LRRC31: variants seen among roughly 807,000 people sequenced by gnomAD.
LRRC31 encodes leucine rich repeat containing 31, also known as leucine-rich repeat-containing protein 31.
LRRC31 carries 35 observed loss-of-function variants against 46.7 expected under a neutral mutation model. That is an observed-to-expected ratio of 0.75 (90% confidence interval 0.57 to 0.99). The LOEUF (loss-of-function observed/expected upper bound fraction) is 0.99. Ranked by LOEUF, LRRC31 falls within the 50% of genes least tolerant of loss-of-function variation. LRRC31 has a pLI of 0.00. For missense variants in LRRC31, 613 were observed against 626.1 expected (o/e 0.98, Z 0.22); for synonymous variants, 236 against 235.1 (o/e 1.00, Z -0.03).
At chr3:169,846,061 G>A (rs569741920) in intron 8 of LRRC31, among the ~76,000 whole-genome samples, 6 of 152,278 alleles carry the variant, frequency 3.9e-5, no homozygotes, top group African/African-American at 9.6e-5. Flanking sequence ...ATTTAGAACA[G>A]ACATTTCACC....
At chr3:169,857,345 T>C (rs866577964) in intron 3 of LRRC31, among the ~76,000 whole-genome samples, 2,808 of 89,244 alleles carry the variant, frequency 0.031, 174 homozygotes, top group African/African-American at 0.1. Context: ...TATATATATA[T>C]ACACACACAC....
At chr3:169,841,688 C>T (rs1304364519) in intron 8 of LRRC31, among the ~76,000 whole-genome samples, 1 of 152,190 alleles carries the variant, frequency 6.6e-6, no homozygotes, top group Non-Finnish European at 1.5e-5. Flanking sequence ...TCAACTTCAA[C>T]ATTATCTTCA....
Position 169,839,794 on chromosome 3 carries a change from TTA to T in LRRC31, c.*186_*187del, listed in dbSNP as rs935355836. On this transcript the variant is annotated 3_prime_UTR_variant, in exon 9 of 9. Coordinates refer to ENST00000316428, the MANE Select transcript of LRRC31 (RefSeq NM_024727.4). ...TATATATGTGTATTATATATGTATA[TTA>T]TATATATGTGTATATATGTATATTA... is the stretch of plus-strand genomic sequence containing the variant. 4.1e-5 allele frequency: 8 copies of T among 194,648 alleles called. No individual in the cohort carries two copies. The highest frequency in any genetic ancestry group is 1.4e-4 in the African/African-American group (6 of 42,164). 12.1% of individuals were successfully genotyped at this position (194,648 alleles called of 1,614,324 possible). A position where few individuals can be genotyped will look rare whatever the true frequency, so the allele number is the denominator to read the frequency against.
chr3:169,861,374 TA>T (rs756902027), intron 2 of LRRC31, among the ~76,000 whole-genome samples: 7 of 134,172 alleles, frequency 5.2e-5, no homozygotes, highest in Non-Finnish European at 6.3e-5. Flanking sequence ...GCCTTTTTCT[TA>T]AAAAAAAAAG....
chr3:169,851,790 T>C lies in LRRC31; in HGVS notation c.992-4A>G, dbSNP rs1321320331. The C allele has an allele frequency of 6.2e-7, 1 of 1,613,464 alleles. No homozygotes were observed. Among genetic ancestry groups the C allele is most frequent in the East Asian group, 2.2e-5 (1 of 44,888 alleles). Reference sequence around the variant, plus strand: ...GAAAGTAAAGGAATGACCTGGGCTGTTAAAAATATCAACAGTGACATGTTT... The same window carrying C: ...GAAAGTAAAGGAATGACCTGGGCTGCTAAAAATATCAACAGTGACATGTTT... On this transcript the variant is annotated splice_polypyrimidine_tract_variant and splice_region_variant and intron_variant, in intron 6 of 8. Transcript: ENST00000316428.
At chr3:169,868,571 A>T (rs1024267136) in intron 1 of LRRC31, among the ~76,000 whole-genome samples, 1 of 152,242 alleles carries the variant, frequency 6.6e-6, no homozygotes, top group African/African-American at 2.4e-5. Context: ...CACTCAATAA[A>T]GATTTATTGA....
intron 6 of LRRC31, among the ~76,000 whole-genome samples, chr3:169,854,081 G>C (rs565339654): frequency 4.6e-5 from 7 of 152,336 alleles, no homozygotes; most frequent in African/African-American, 1.7e-4. Flanking sequence ...GTGAGGAGGA[G>C]GGGGAGTGAA....
chr3:169,844,566 C>T (rs1041311891), intron 8 of LRRC31, among the ~76,000 whole-genome samples: 3 of 152,058 alleles, frequency 2.0e-5, no homozygotes, highest in Non-Finnish European at 4.4e-5. Context: ...TCATCTCATT[C>T]AACATCTATT....
chr3:169,864,001 AGTGTGTGT>A (rs35795931), intron 1 of LRRC31, among the ~76,000 whole-genome samples: 2 of 148,720 alleles, frequency 1.3e-5, no homozygotes, highest in Admixed American at 6.7e-5. Context: ...TCCAAAGCCT[AGTGTGTGT>A]GTGTGTGTGT....
chr3:169,851,472 G>T (rs1033615021), intron 7 of LRRC31, 147 bp downstream of exon 7: 18 of 689,360 alleles, frequency 2.6e-5, no homozygotes, highest in Non-Finnish European at 4.0e-5. Context: ...ACTTTCAGAA[G>T]GTCACTTTTA....
At chr3:169,858,505 A>T (rs1207033785) in intron 3 of LRRC31, among the ~76,000 whole-genome samples, 1 of 152,244 alleles carries the variant, frequency 6.6e-6, no homozygotes, top group East Asian at 1.9e-4. Context: ...ACCCACAGAA[A>T]GGTGGTTTTA....
At chr3:169,858,473 T>C (rs1576796227) in intron 3 of LRRC31, among the ~76,000 whole-genome samples, 2 of 152,220 alleles carry the variant, frequency 1.3e-5, no homozygotes, top group South Asian at 4.1e-4. Context: ...CTGCTTAATG[T>C]GGGGCTAAAC....
intron 8 of LRRC31, among the ~76,000 whole-genome samples, chr3:169,846,065 T>C (rs1258834955): frequency 6.6e-6 from 1 of 152,202 alleles, no homozygotes; most frequent in African/African-American, 2.4e-5. Context: ...AGAACAGACA[T>C]TTCACCAAAG....
chr3:169,845,357 T>A (rs1041898436), intron 8 of LRRC31, among the ~76,000 whole-genome samples: 1 of 152,198 alleles, frequency 6.6e-6, no homozygotes, highest in Non-Finnish European at 1.5e-5. Flanking sequence ...ATATTGACAA[T>A]CTGATGCTAG....
At chr3:169,858,631 G>A (rs1781044224) in intron 3 of LRRC31, among the ~76,000 whole-genome samples, 1 of 152,116 alleles carries the variant, frequency 6.6e-6, no homozygotes, top group African/African-American at 2.4e-5. Flanking sequence ...TTGAGAGGGA[G>A]GTTATCCCTA....
At chr3:169,856,914 G>A (rs748566375) in intron 3 of LRRC31, 42 bp from the exon 4 acceptor site, 2 of 1,549,570 alleles carry the variant, frequency 1.3e-6, no homozygotes, top group Non-Finnish European at 1.8e-6. Context: ...TCACTAGTCA[G>A]AAAAGCAGGG....
At chr3:169,865,141 A>G (rs1426045600) in intron 1 of LRRC31, among the ~76,000 whole-genome samples, 2 of 150,390 alleles carry the variant, frequency 1.3e-5, no homozygotes, top group Admixed American at 1.3e-4. Flanking sequence ...AGTCCCAGCT[A>G]GTAGGGGGCT....
intron 4 of LRRC31, 78 bp from the exon 5 acceptor site, chr3:169,856,581 G>T (rs1485972061): frequency 1.5e-6 from 2 of 1,353,054 alleles, no homozygotes; most frequent in Non-Finnish European, 2.0e-6. Flanking sequence ...ATATCGTGAC[G>T]TAAAACTCCA....
chr3:169,867,248 T>C (rs1408882914), intron 1 of LRRC31, among the ~76,000 whole-genome samples: 2 of 38,384 alleles, frequency 5.2e-5, no homozygotes, highest in Non-Finnish European at 9.1e-5. Context: ...GATGGAGTCT[T>C]TTTTTTTTTT....
Sources: allele counts gnomAD v4.1 joint callset (sites outside exome capture counted in the v4.1 genomes callset), GRCh38; gene constraint gnomAD v4.1.1; transcripts MANE v1.5; gene names NCBI Gene and HGNC (gene_info 2026-07-23, HGNC 2026-07-21).